Variants in FHIT observed in about 807,000 individuals in gnomAD.
FHIT encodes bis(5'-adenosyl)-triphosphatase.
FHIT carries 19 observed loss-of-function variants against 17.9 expected under a neutral mutation model. That is an observed-to-expected ratio of 1.06 (90% CI 0.74 to 1.56). FHIT has a LOEUF of 1.56. Among genes scored for constraint, FHIT ranks in the 40% most tolerant of loss-of-function variants. The pLI, the probability that FHIT is intolerant of heterozygous loss-of-function variation, is 0.00. For missense variants in FHIT, 248 were observed against 189.2 expected (o/e 1.31, Z -1.82); for synonymous variants, 81 against 69.7 (o/e 1.16, Z -0.81).
intron 5 of FHIT, among the ~76,000 whole-genome samples, chr3:60,361,623 G>A (rs1009439770): frequency 9.2e-5 from 14 of 152,254 alleles, no homozygotes; most frequent in African/African-American, 3.4e-4. Flanking sequence ...AGGTAAAGGG[G>A]TAGAGATTCA....
intron 3 of FHIT, among the ~76,000 whole-genome samples, chr3:61,009,939 G>A (rs1046608214): frequency 1.3e-5 from 2 of 152,110 alleles, no homozygotes; most frequent in Admixed American, 1.3e-4. Flanking sequence ...AGAATTCTAT[G>A]ACAAGGTGAT....
intron 8 of FHIT, among the ~76,000 whole-genome samples, chr3:59,869,456 A>G (rs1702810878): frequency 6.9e-6 from 1 of 144,590 alleles, no homozygotes; most frequent in African/African-American, 2.6e-5. Context: ...TGTACTAGTC[A>G]TTATTCCATC....
chr3:60,637,013 G>A (rs1254016995), intron 4 of FHIT, among the ~76,000 whole-genome samples: 1 of 152,094 alleles, frequency 6.6e-6, no homozygotes, highest in Non-Finnish European at 1.5e-5. Context: ...GGATCTCCTT[G>A]GGAAACAGCT....
At chr3:59,886,444 T>C (rs374268720) in intron 8 of FHIT, among the ~76,000 whole-genome samples, 28 of 152,352 alleles carry the variant, frequency 1.8e-4, no homozygotes, top group African/African-American at 6.7e-4. Flanking sequence ...AGAAGGTTTA[T>C]CTGGCTTATA....
intron 5 of FHIT, among the ~76,000 whole-genome samples, chr3:60,096,837 G>A (rs1343644224): frequency 6.6e-6 from 1 of 151,896 alleles, no homozygotes; most frequent in Non-Finnish European, 1.5e-5. Context: ...AAAAGCTCAG[G>A]CTGGGGAAGG....
intron 3 of FHIT, among the ~76,000 whole-genome samples, chr3:60,890,533 G>A (rs1395408899): frequency 6.6e-6 from 1 of 152,192 alleles, no homozygotes; most frequent in Non-Finnish European, 1.5e-5. Flanking sequence ...ATCAATAACT[G>A]AAACAATAAC....
chr3:60,466,494 A>G (rs570227118), intron 5 of FHIT, among the ~76,000 whole-genome samples: 19 of 151,974 alleles, frequency 1.3e-4, no homozygotes, highest in Non-Finnish European at 1.9e-4. Flanking sequence ...CCCCTTCACT[A>G]TATTAGCTGT....
At chr3:61,193,473 GA>G (rs1251073870) in intron 2 of FHIT, among the ~76,000 whole-genome samples, 2 of 152,198 alleles carry the variant, frequency 1.3e-5, no homozygotes, top group Non-Finnish European at 2.9e-5. Flanking sequence ...ATGGTGACCA[GA>G]GTGGACTAAA....
At chr3:60,536,297 G>T (rs753957340) in intron 5 of FHIT, 1 of 152,068 alleles carries the variant, frequency 6.6e-6, no homozygotes, top group Non-Finnish European at 1.5e-5. Flanking sequence ...CTGCAAGCTG[G>T]TATTTTTCCC....
At chr3:60,422,085 C>A (rs898214874) in intron 5 of FHIT, among the ~76,000 whole-genome samples, 7 of 152,134 alleles carry the variant, frequency 4.6e-5, no homozygotes, top group African/African-American at 9.7e-5. Flanking sequence ...AAATTTCTGA[C>A]CAGCTGTCAA....
At position 60,619,614 on chromosome 3, in the gene FHIT, A is replaced by C. The variant is rs1435720455; in HGVS notation, c.-17-82635T>G. Among the ~76,000 whole-genome samples the C allele has an allele frequency of 2.7e-3, 327 of 122,252 alleles. 4 individuals carry two copies. The highest frequency in any genetic ancestry group is 9.7e-3 in the Middle Eastern group (2 of 206). 80.2% of individuals were successfully genotyped at this position (122,252 alleles called of 152,430 possible). On this transcript the variant is annotated intron_variant, in intron 4 of 9. Transcript: ENST00000492590. ...ATACCCACATGCAAAAAAAAAAAAAAAAAAAAAAAAAAAGAATCTAGACAA... is the reference window on the plus strand; with the variant it reads ...ATACCCACATGCAAAAAAAAAAAAACAAAAAAAAAAAAAGAATCTAGACAA...
At chr3:60,154,824 A>G (rs1700609141) in intron 5 of FHIT, among the ~76,000 whole-genome samples, 1 of 152,320 alleles carries the variant, frequency 6.6e-6, no homozygotes, top group East Asian at 1.9e-4. Flanking sequence ...AAACTATTCA[A>G]TAGCAGAAAG....
intron 1 of FHIT, among the ~76,000 whole-genome samples, chr3:61,212,439 A>G (rs1223176902): frequency 2.0e-5 from 3 of 152,212 alleles, no homozygotes; most frequent in Non-Finnish European, 4.4e-5. Flanking sequence ...AAGCAAGAAG[A>G]GAAGTTTAGA....
intron 2 of FHIT, among the ~76,000 whole-genome samples, chr3:61,151,091 C>T (rs1459621776): frequency 6.6e-6 from 1 of 152,214 alleles, no homozygotes; most frequent in South Asian, 2.1e-4. Context: ...CTCAGTCTTA[C>T]AGTGAAACTG....
chr3:60,511,897 G>T (rs1053520756), intron 5 of FHIT, among the ~76,000 whole-genome samples: 6 of 152,026 alleles, frequency 3.9e-5, no homozygotes, highest in Admixed American at 3.3e-4. Flanking sequence ...TAATCAAAAT[G>T]ATATAATAAA....
intron 8 of FHIT, among the ~76,000 whole-genome samples, chr3:59,914,675 T>C (rs1046710985): frequency 9.9e-5 from 15 of 152,234 alleles, no homozygotes; most frequent in Non-Finnish European, 2.1e-4. Context: ...AAAAGAGAGA[T>C]AAAGTTAAAT....
At chr3:60,214,537 TA>T (rs2107523006) in intron 5 of FHIT, among the ~76,000 whole-genome samples, 1 of 152,126 alleles carries the variant, frequency 6.6e-6, no homozygotes, top group African/African-American at 2.4e-5. Context: ...GGCGACAGAG[TA>T]AAGGGAACAC....
chr3:61,131,476 G>T (rs2036762126), intron 2 of FHIT, among the ~76,000 whole-genome samples: 1 of 152,218 alleles, frequency 6.6e-6, no homozygotes, highest in African/African-American at 2.4e-5. Context: ...TGGGCCGAAA[G>T]TCTCCCCATA....
chr3:60,647,528 T>G (rs1437437114), intron 4 of FHIT, among the ~76,000 whole-genome samples: 2 of 152,160 alleles, frequency 1.3e-5, no homozygotes, highest in Non-Finnish European at 2.9e-5. Flanking sequence ...CTTGCCCAGG[T>G]TTATCCCTGG....
Sources: allele counts gnomAD v4.1 joint callset (sites outside exome capture counted in the v4.1 genomes callset), GRCh38; gene constraint gnomAD v4.1.1; transcripts MANE v1.5; gene names NCBI Gene and HGNC (gene_info 2026-07-23, HGNC 2026-07-21).